Variants in MEOX2 observed in about 807,000 individuals in gnomAD.
MEOX2 encodes the protein homeobox protein MOX-2.
MEOX2 carries 11 observed loss-of-function variants against 27.0 expected under a neutral mutation model. That is an observed-to-expected ratio of 0.41 (90% CI 0.26 to 0.68). MEOX2 has a LOEUF of 0.68. MEOX2 is among the 30% of genes least tolerant of loss of function. The pLI is 0.33. For missense variants in MEOX2, 436 were observed against 385.4 expected, an observed-to-expected ratio of 1.13 and a Z score of -1.10; for synonymous variants, 189 against 155.4, an observed-to-expected ratio of 1.22 and a Z score of -1.61.
intron 1 of MEOX2, among the ~76,000 whole-genome samples, chr7:15,633,979 T>C (rs1468350988): frequency 6.6e-6 from 1 of 151,978 alleles, no homozygotes; most frequent in Non-Finnish European, 1.5e-5. Context: ...TATCATTTAT[T>C]ATTGCTTTCT....
At chr7:15,636,869 G>A (rs1026819060) in intron 1 of MEOX2, among the ~76,000 whole-genome samples, 4 of 151,998 alleles carry the variant, frequency 2.6e-5, no homozygotes, top group South Asian at 2.1e-4. Flanking sequence ...GGGCAAAAGA[G>A]CGTGATCCCA....
At position 15,685,966 on chromosome 7, in the gene MEOX2, G is replaced by A. The variant is rs759767365; in HGVS notation, c.437C>T (p.Pro146Leu). 2 of 1,610,146 alleles carry A rather than the reference G, an allele frequency of 1.2e-6. No individual in the cohort carries two copies. Among genetic ancestry groups the A allele is most frequent in the South Asian group, 1.1e-5 (1 of 90,962 alleles). The change falls in exon 1 of 3, where the codon CCG becomes CTG. Residue 146 changes from proline to leucine, a missense_variant. Coordinates refer to ENST00000262041, the MANE Select transcript of MEOX2 (RefSeq NM_005924.5). ...SSTPTGAACA[P>L]GDYGRQALSP... ...CAGTGCCTGGCGGCCGTAGTCCCCCGGCGCGCACGCGGCCCCAGTCGGGGT... is the reference window on the plus strand; with the variant it reads ...CAGTGCCTGGCGGCCGTAGTCCCCCAGCGCGCACGCGGCCCCAGTCGGGGT...
At chr7:15,662,241 G>A (rs1781929446) in intron 1 of MEOX2, among the ~76,000 whole-genome samples, 1 of 151,688 alleles carries the variant, frequency 6.6e-6, no homozygotes, top group Non-Finnish European at 1.5e-5. Context: ...TAGCAACTTT[G>A]AGGTCTTCAA....
At chr7:15,661,291 A>G (rs1277649407) in intron 1 of MEOX2, among the ~76,000 whole-genome samples, 1 of 151,322 alleles carries the variant, frequency 6.6e-6, no homozygotes, top group Non-Finnish European at 1.5e-5. Flanking sequence ...ATAAACTAAG[A>G]ACCGTATTCA....
intron 1 of MEOX2, among the ~76,000 whole-genome samples, chr7:15,684,109 A>G (rs1782338145): frequency 6.6e-6 from 1 of 152,162 alleles, no homozygotes; most frequent in Admixed American, 6.5e-5. Flanking sequence ...CTTGTATGAA[A>G]ATTGTTTGCC....
chr7:15,686,587 T>G lies in MEOX2; in HGVS notation c.-185A>C, dbSNP rs1281099555. 3.3e-6 allele frequency: 2 copies of G among 615,342 alleles called. No individual in the cohort carries two copies. Among genetic ancestry groups the G allele is most frequent in the Non-Finnish European group, 5.7e-6 (2 of 353,122 alleles). 38.1% of individuals were successfully genotyped at this position (615,342 alleles called of 1,614,324 possible). A position where few individuals can be genotyped will look rare whatever the true frequency, so the allele number is the denominator to read the frequency against. ...CCCAGCGGCCAGTCTCCTTTACATATGAACAGTCGGACCTGGAAGAGCTTC... is the reference window on the plus strand; with the variant it reads ...CCCAGCGGCCAGTCTCCTTTACATAGGAACAGTCGGACCTGGAAGAGCTTC... On this transcript the variant is annotated 5_prime_UTR_variant, in exon 1 of 3. Transcript: ENST00000262041.
At chr7:15,623,571 T>C (rs1394321850) in intron 2 of MEOX2, among the ~76,000 whole-genome samples, 1 of 152,146 alleles carries the variant, frequency 6.6e-6, no homozygotes, top group Non-Finnish European at 1.5e-5. Context: ...GGTTTCACCA[T>C]GTTGGCCAGG....
At chr7:15,637,152 C>G (rs1230411719) in intron 1 of MEOX2, among the ~76,000 whole-genome samples, 1 of 151,936 alleles carries the variant, frequency 6.6e-6, no homozygotes, top group Non-Finnish European at 1.5e-5. Flanking sequence ...TACTTAATTT[C>G]ATATTAGTTT....
At chr7:15,655,333 T>C (rs1258872983) in intron 1 of MEOX2, among the ~76,000 whole-genome samples, 1 of 151,662 alleles carries the variant, frequency 6.6e-6, no homozygotes, top group Non-Finnish European at 1.5e-5. Flanking sequence ...GAACGAGCTT[T>C]TTATTTCACT....
At chr7:15,661,191 C>G (rs1374327341) in intron 1 of MEOX2, among the ~76,000 whole-genome samples, 1 of 151,968 alleles carries the variant, frequency 6.6e-6, no homozygotes, top group Non-Finnish European at 1.5e-5. Context: ...GCTTTGATAA[C>G]TAAAAACATA....
chr7:15,654,140 C>G (rs1482684702), intron 1 of MEOX2, among the ~76,000 whole-genome samples: 1 of 151,718 alleles, frequency 6.6e-6, no homozygotes, highest in Non-Finnish European at 1.5e-5. Flanking sequence ...AGATTTATAC[C>G]TAAGATATTT....
At chr7:15,644,752 A>C (rs1171838001) in intron 1 of MEOX2, among the ~76,000 whole-genome samples, 1 of 152,162 alleles carries the variant, frequency 6.6e-6, no homozygotes, top group African/African-American at 2.4e-5. Context: ...TTCTGGAGTA[A>C]TGTACAGTGA....
At chr7:15,667,289 C>CAAAAAAAAGAAAAAA (rs1782023648) in intron 1 of MEOX2, among the ~76,000 whole-genome samples, 1 of 40,980 alleles carries the variant, frequency 2.4e-5, no homozygotes, top group South Asian at 1.4e-3. Flanking sequence ...GACTCTGTCT[C>CAAAAAAAAGAAAAAA]AAAAAAAAAA....
At chr7:15,661,989 T>C (rs1041855250) in intron 1 of MEOX2, among the ~76,000 whole-genome samples, 3 of 152,088 alleles carry the variant, frequency 2.0e-5, no homozygotes, top group South Asian at 2.1e-4. Flanking sequence ...GACAGAACTT[T>C]GCAAAGTTAA....
At chr7:15,682,579 A>G (rs1200503520) in intron 1 of MEOX2, among the ~76,000 whole-genome samples, 1 of 151,880 alleles carries the variant, frequency 6.6e-6, no homozygotes, top group Non-Finnish European at 1.5e-5. Flanking sequence ...TAAAATATGT[A>G]TCATAAATTT....
chr7:15,674,524 G>T (rs1377172951), intron 1 of MEOX2, among the ~76,000 whole-genome samples: 1 of 151,366 alleles, frequency 6.6e-6, no homozygotes, highest in Non-Finnish European at 1.5e-5. Flanking sequence ...AAAGCATTTG[G>T]CAGTAAATTA....
rs139584475 is a variant in MEOX2 at position 15,635,033 on chromosome 7, A to G, written c.518-8115T>C. On this transcript the variant is annotated intron_variant, in intron 1 of 2. Transcript: ENST00000262041. ...CATAAGCACTAATAATAAATCAACT[A>G]TTTGATTACATCCATATCATTTAAT... Among the ~76,000 whole-genome samples, 422 of 152,098 alleles carry G rather than the reference A, an allele frequency of 2.8e-3. 2 individuals are homozygous for G. The highest frequency in any genetic ancestry group is 9.3e-3 in the African/African-American group (387 of 41,532).
intron 1 of MEOX2, among the ~76,000 whole-genome samples, chr7:15,642,878 T>A (rs1562603088): frequency 1.3e-5 from 2 of 152,190 alleles, no homozygotes; most frequent in Non-Finnish European, 2.9e-5. Flanking sequence ...ATGATTTCCT[T>A]GGCTGTAGAG....
At chr7:15,682,315 T>C (rs1227411420) in intron 1 of MEOX2, among the ~76,000 whole-genome samples, 2 of 151,854 alleles carry the variant, frequency 1.3e-5, no homozygotes, top group African/African-American at 4.8e-5. Context: ...TTGGAAATAT[T>C]ACAATATCAT....
Sources: allele counts gnomAD v4.1 joint callset (sites outside exome capture counted in the v4.1 genomes callset), GRCh38; gene constraint gnomAD v4.1.1; transcripts MANE v1.5; gene names NCBI Gene and HGNC (gene_info 2026-07-23, HGNC 2026-07-21).